The following SHANK2 variants were observed in gnomAD, a reference collection of about 807,000 sequenced individuals.
The protein encoded by SHANK2 is SH3 and multiple ankyrin repeat domains 2, also known as SH3 and multiple ankyrin repeat domains protein 2.
A neutral mutation model predicts 133.7 loss-of-function variants in SHANK2; 43 were observed. The ratio of observed to expected loss-of-function variants is 0.32; its 90% CI spans 0.25 to 0.41. The LOEUF is 0.41. Ranked by LOEUF, SHANK2 falls within the 10% of genes least tolerant of loss-of-function variation. The pLI is 1.00. For synonymous variants in SHANK2, 1,017 were observed against 952.8 expected, an observed-to-expected ratio of 1.07 and a Z score of -1.24; for missense variants, 1,994 against 2,235.8, an observed-to-expected ratio of 0.89 and a Z score of 2.18.
intron 17 of SHANK2, among the ~76,000 whole-genome samples, chr11:70,658,020 G>A (rs2061424572): frequency 6.6e-6 from 1 of 152,116 alleles, no homozygotes; most frequent in African/African-American, 2.4e-5. Context: ...AGGTTATCCA[G>A]GAAACAGTCC....
At chr11:70,507,179 C>T (rs1424819059) in intron 17 of SHANK2, among the ~76,000 whole-genome samples, 1 of 152,206 alleles carries the variant, frequency 6.6e-6, no homozygotes, top group African/African-American at 2.4e-5. Flanking sequence ...CCGCCCCAGC[C>T]TCCTGGGCCC....
intron 2 of SHANK2, among the ~76,000 whole-genome samples, chr11:71,223,465 A>AT (rs1388902574): frequency 3.3e-5 from 5 of 152,200 alleles, no homozygotes; most frequent in Non-Finnish European, 7.3e-5. Flanking sequence ...TTATTCCCTA[A>AT]ACAATACAGT....
chr11:71,075,428 A>C (rs1256424687), intron 8 of SHANK2, among the ~76,000 whole-genome samples, 153 bp from the exon 9 acceptor site: 3 of 152,096 alleles, frequency 2.0e-5, no homozygotes, highest in Non-Finnish European at 4.4e-5. Context: ...CCATCTGGGC[A>C]AGCGCTCTAA....
chr11:70,620,003 G>C (rs1554997175), intron 17 of SHANK2, among the ~76,000 whole-genome samples: 1 of 152,164 alleles, frequency 6.6e-6, no homozygotes, highest in African/African-American at 2.4e-5. Flanking sequence ...TGAGGACCTT[G>C]TTTAAGACTG....
Position 70,487,031 on chromosome 11 carries a change from C to T in SHANK2, c.3262G>A (p.Asp1088Asn), listed in dbSNP as rs377062687. The T allele has an allele frequency of 2.5e-6, 4 of 1,609,234 alleles. No homozygotes were observed. The highest frequency in any genetic ancestry group is 2.2e-5 in the East Asian group (1 of 44,838). ...FAAAIAGAVR[D>N]REKRLEARRN... ...CTGGCTTCCAGCCGCTTCTCACGGTCGCGGACGGCTCCGGCGATGGCGGCG... is the reference window on the plus strand; with the variant it reads ...CTGGCTTCCAGCCGCTTCTCACGGTTGCGGACGGCTCCGGCGATGGCGGCG... The change falls in exon 25 of 26, where the codon GAC (aspartate) becomes AAC (asparagine). Residue 1088 changes from aspartate (D) to asparagine (N), a missense_variant. Coordinates refer to ENST00000601538, the MANE Select transcript of SHANK2 (RefSeq NM_012309.5). This position sits in a 1 kb window ranked among gnomAD's most constrained non-coding sequence, Gnocchi z 5.8.
chr11:70,490,707 A>AG (rs557672444), intron 22 of SHANK2, among the ~76,000 whole-genome samples: 4 of 152,186 alleles, frequency 2.6e-5, no homozygotes, highest in African/African-American at 9.7e-5. Flanking sequence ...TCTCTCTGAG[A>AG]GGGGGGCCAG....
intron 7 of SHANK2, 50 bp downstream of exon 7, chr11:71,094,487 A>G (rs1320584145): frequency 6.6e-7 from 1 of 1,521,568 alleles, no homozygotes; most frequent in Admixed American, 2.0e-5. Context: ...GGGCAGCCGC[A>G]CGGAATCAGA....
chr11:70,489,175 G>A (rs1447358778), intron 24 of SHANK2, 153 bp downstream of exon 24: 2 of 753,468 alleles, frequency 2.7e-6, no homozygotes, highest in Non-Finnish European at 2.4e-6. Context: ...GCATTGCAAA[G>A]ATGGCTCGTT....
chr11:70,677,101 G>A (rs370554252), intron 15 of SHANK2, among the ~76,000 whole-genome samples: 6 of 152,288 alleles, frequency 3.9e-5, no homozygotes, highest in African/African-American at 1.4e-4. Flanking sequence ...TGAAGTAAAG[G>A]GAGACAGAGT....
Position 71,073,181 on chromosome 11 carries a change from T to TA in SHANK2, c.1029+1977dup, listed in dbSNP as rs1219826575. Among the ~76,000 whole-genome samples, 55 of 140,232 alleles carry TA rather than the reference T, an allele frequency of 3.9e-4. 1 individual carries two copies. Among genetic ancestry groups the TA allele is most frequent in the Middle Eastern group, 7.3e-3 (2 of 274 alleles). 92.0% of individuals were successfully genotyped at this position (140,232 alleles called of 152,430 possible). On this transcript the variant is annotated intron_variant, in intron 9 of 25. Coordinates refer to ENST00000601538, the MANE Select transcript of SHANK2 (RefSeq NM_012309.5). ...CTTTTTTTTCTTTTTTTTTTTGAGATAGAGTCTTGCTCTGTCACCCAGGCT... is the reference window on the plus strand; with the variant it reads ...CTTTTTTTTCTTTTTTTTTTTGAGATAAGAGTCTTGCTCTGTCACCCAGGCT...
chr11:71,186,904 C>G (rs1953685341), intron 2 of SHANK2, among the ~76,000 whole-genome samples: 1 of 152,232 alleles, frequency 6.6e-6, no homozygotes, highest in South Asian at 2.1e-4. Context: ...TCACAGATGA[C>G]AGGATTGCCT....
At chr11:70,877,544 C>T (rs1949588408) in intron 11 of SHANK2, among the ~76,000 whole-genome samples, 1 of 152,208 alleles carries the variant, frequency 6.6e-6, no homozygotes, top group Admixed American at 6.5e-5. Context: ...CCTCTTGGGT[C>T]ATGCATTTCC....
intron 15 of SHANK2, among the ~76,000 whole-genome samples, chr11:70,693,926 A>G (rs150883292): frequency 2.6e-4 from 40 of 152,308 alleles, no homozygotes; most frequent in African/African-American, 9.6e-4. Flanking sequence ...GGGTGGATAG[A>G]TAAATAGGTG....
chr11:71,140,667 C>T (rs541705127), intron 3 of SHANK2, among the ~76,000 whole-genome samples: 3 of 152,314 alleles, frequency 2.0e-5, no homozygotes, highest in African/African-American at 7.2e-5. Flanking sequence ...GTGGCTGCTC[C>T]CCGGGCTGAA....
chr11:70,770,278 G>A (rs1947218150), intron 14 of SHANK2, among the ~76,000 whole-genome samples: 2 of 152,226 alleles, frequency 1.3e-5, no homozygotes, highest in African/African-American at 4.8e-5. Context: ...CACCAGACCA[G>A]CCTGGTCTCT....
chr11:70,939,895 C>T (rs1555084060), intron 10 of SHANK2, among the ~76,000 whole-genome samples: 1 of 152,040 alleles, frequency 6.6e-6, no homozygotes, highest in Non-Finnish European at 1.5e-5. Context: ...CCAGGTGGGC[C>T]CTAAATGTAT....
intron 8 of SHANK2, among the ~76,000 whole-genome samples, chr11:71,090,350 CTGTGTGTGTGTGTGTGTG>C (rs1216035619): frequency 1.3e-4 from 1 of 7,722 alleles, no homozygotes; most frequent in Non-Finnish European, 2.2e-4. Flanking sequence ...AACACAACCT[CTGTGTGTGTGTGTGTGTG>C]TGTGTGTGTG....
At chr11:70,525,687 A>AAC (rs1565097606) in intron 17 of SHANK2, among the ~76,000 whole-genome samples, 1 of 151,820 alleles carries the variant, frequency 6.6e-6, no homozygotes, top group Non-Finnish European at 1.5e-5. Flanking sequence ...CACCCCCGTA[A>AAC]ACACACACAC....
At chr11:70,589,878 G>T (rs1365462204) in intron 17 of SHANK2, among the ~76,000 whole-genome samples, 1 of 152,228 alleles carries the variant, frequency 6.6e-6, no homozygotes, top group African/African-American at 2.4e-5. Context: ...AGCTGGCCGG[G>T]CACGGTGGCT....
Sources: gnomAD v4.1 joint callset for allele counts (sites outside exome capture counted in the v4.1 genomes callset) on GRCh38, gnomAD v4.1.1 for gene constraint, Gnocchi (gnomAD v3.1) non-coding constraint, MANE v1.5 for transcripts, NCBI Gene and HGNC (gene_info 2026-07-23, HGNC 2026-07-21) for gene names.